Variants in RBM28 observed in about 807,000 individuals in gnomAD.
RBM28 encodes RNA-binding protein 28.
In RBM28, 78 loss-of-function variants were observed where a neutral mutation model predicts 98.3. The ratio of observed to expected loss-of-function variants is 0.79; its 90% CI spans 0.66 to 0.96. The LOEUF (loss-of-function observed/expected upper bound fraction) is 0.96. Ranked by LOEUF, RBM28 falls within the 40% of genes least tolerant of loss-of-function variation. The pLI, the probability that RBM28 is intolerant of heterozygous loss-of-function variation, is 0.00. For missense variants in RBM28, 838 were observed against 913.0 expected (o/e 0.92, Z 1.06); for synonymous variants, 306 against 330.9 (o/e 0.92, Z 0.82).
intron 5 of RBM28, 45 bp from the exon 6 acceptor site, chr7:128,337,247 A>G (rs1451808104): frequency 6.3e-7 from 1 of 1,594,648 alleles, no homozygotes; most frequent in Admixed American, 1.7e-5. Flanking sequence ...CCTTTTAAAA[A>G]CCCTACCTCT....
At chr7:128,313,841 G>A (rs1343177642) in intron 17 of RBM28, among the ~76,000 whole-genome samples, 1 of 152,196 alleles carries the variant, frequency 6.6e-6, no homozygotes, top group African/African-American at 2.4e-5. Context: ...GCCATGTGAT[G>A]TGCCAGCTCC....
In RBM28 at chr7:128,337,160, T is replaced by C; in HGVS notation, c.584A>G (p.Tyr195Cys). ...AGCAGAAACAGACTGTGTATCTTTA[T>C]ATTTATCCTTTGCCACGGCCCAATC... ...AVDWAVAKDK[Y>C]KDTQSVSAIG... Residue 195 changes from tyrosine to cysteine, a missense_variant, in exon 6 of 19, where the codon TAT (tyrosine) becomes TGT (cysteine). Coordinates refer to ENST00000223073, the MANE Select transcript of RBM28 (RefSeq NM_018077.3). 2.5e-6 allele frequency: 4 copies of C among 1,614,186 alleles called. No homozygotes were observed. Among genetic ancestry groups the C allele is most frequent in the Non-Finnish European group, 3.4e-6 (4 of 1,180,006 alleles).
chr7:128,321,222 A>C (rs752153400), intron 14 of RBM28, 44 bp downstream of exon 14: 1 of 1,611,202 alleles, frequency 6.2e-7, no homozygotes, highest in East Asian at 2.2e-5. Flanking sequence ...GATCTGACCC[A>C]AGATCAGAAT....
intron 14 of RBM28, 130 bp from the exon 15 acceptor site, chr7:128,318,236 G>C (rs1562950355): frequency 2.0e-6 from 2 of 985,234 alleles, no homozygotes; most frequent in South Asian, 2.8e-5. Flanking sequence ...TGTAATCCTA[G>C]CACCTTGGGA....
chr7:128,318,599 A>G (rs909322781), intron 14 of RBM28, among the ~76,000 whole-genome samples: 1 of 152,194 alleles, frequency 6.6e-6, no homozygotes, highest in Admixed American at 6.5e-5. Flanking sequence ...TAAGACCATC[A>G]AACAGATTAA....
chr7:128,300,674 T>C lies in RBM28; in HGVS notation c.*10123A>G, dbSNP rs1049801911. 6.6e-6 allele frequency: 1 copy of C among 152,298 alleles called. No individual in the cohort carries two copies. The highest frequency in any genetic ancestry group is 1.5e-5 in the Non-Finnish European group (1 of 68,056). 9.4% of individuals were successfully genotyped at this position (152,298 alleles called of 1,614,324 possible). A position where few individuals can be genotyped will look rare whatever the true frequency, so the allele number is the denominator to read the frequency against. On this transcript the variant is annotated 3_prime_UTR_variant, in exon 19 of 19. Transcript: ENST00000223073. The stretch of plus-strand genomic sequence containing the variant: ...TGCTATGTTTTAGTAAAGAGGGCTG[T>C]TCCCTGAGAGCAAAATTGGCAAGTG...
At position 128,310,725 on chromosome 7, in the gene RBM28, G is replaced by A; in HGVS notation, c.*72C>T. The A allele has an allele frequency of 6.3e-7, 1 of 1,584,412 alleles. No homozygotes were observed. On this transcript the variant is annotated 3_prime_UTR_variant, in exon 19 of 19. Transcript: ENST00000223073. Reference sequence around the variant, plus strand: ...TTCTTTCCCTCAGTGAGAGACACGGGGGATGGGGAGGAGCCCAGGAGTGTC... The same window carrying A: ...TTCTTTCCCTCAGTGAGAGACACGGAGGATGGGGAGGAGCCCAGGAGTGTC...
Position 128,317,954 on chromosome 7 carries a change from T to C in RBM28, c.1713+3A>G. The C allele has an allele frequency of 6.2e-7, 1 of 1,614,158 alleles. No individual in the cohort carries two copies. Among genetic ancestry groups the C allele is most frequent in the East Asian group, 2.2e-5 (1 of 44,882 alleles). ...ACAAGTCTCCCCAGAGGACAAGGCC[T>C]ACCTTCAGAGGCCCAAAGATTTCTG... is the stretch of plus-strand genomic sequence containing the variant. On this transcript the variant is annotated splice_donor_region_variant and intron_variant, in intron 15 of 18. Transcript: ENST00000223073.
Position 128,339,720 on chromosome 7 carries a change from C to T in RBM28, c.190G>A (p.Glu64Lys), listed in dbSNP as rs182728330. 7 of 1,613,936 alleles carry T rather than the reference C, an allele frequency of 4.3e-6. No homozygotes were observed. The highest frequency in any genetic ancestry group is 5.9e-6 in the Non-Finnish European group (7 of 1,179,820). ...MLEDVQRALKEITTFEGCKIN... is the reference protein window; with the variant it reads ...MLEDVQRALKKITTFEGCKIN... ...TTGCAACCTTCAAAGGTGGTAATCT[C>T]CTTGAGGGCCCTCTGAACATCTTCC... is the stretch of plus-strand genomic sequence containing the variant. The change falls in exon 2 of 19, where the codon GAG becomes AAG. Residue 64 changes from glutamate (E) to lysine (K), a missense_variant. By Grantham distance (56) the Glu-to-Lys change is moderately conservative (BLOSUM62 1). Transcript: ENST00000223073.
chr7:128,335,708 G>A (rs1247603359), intron 7 of RBM28, 29 bp from the exon 8 acceptor site: 9 of 1,614,008 alleles, frequency 5.6e-6, no homozygotes, highest in African/African-American at 4.0e-5. Flanking sequence ...GAACTAAGGA[G>A]GTGGGCTGAC....
chr7:128,320,616 C>G (rs1796210961), intron 14 of RBM28, among the ~76,000 whole-genome samples: 1 of 152,130 alleles, frequency 6.6e-6, no homozygotes, highest in African/African-American at 2.4e-5. Flanking sequence ...AAGAATCTAA[C>G]TAGGAGTAAA....
chr7:128,337,253 C>T (rs1796621689), intron 5 of RBM28, 51 bp from the exon 6 acceptor site: 4 of 1,576,042 alleles, frequency 2.5e-6, no homozygotes, highest in Admixed American at 3.3e-5. Flanking sequence ...AAAAACCCTA[C>T]CTCTGTAAAT....
At chr7:128,327,742 C>T (rs901976731) in intron 10 of RBM28, among the ~76,000 whole-genome samples, 15 of 152,096 alleles carry the variant, frequency 9.9e-5, no homozygotes, top group African/African-American at 3.1e-4. Context: ...TCAGGTGATC[C>T]GCCTGCCTTG....
chr7:128,336,615 G>C (rs1403122322), intron 6 of RBM28, among the ~76,000 whole-genome samples: 1 of 152,178 alleles, frequency 6.6e-6, no homozygotes, highest in Non-Finnish European at 1.5e-5. Flanking sequence ...TGGGACCAGA[G>C]CACCAAATGG....
chr7:128,330,066 T>C (rs1796443710), intron 10 of RBM28, among the ~76,000 whole-genome samples: 1 of 151,810 alleles, frequency 6.6e-6, no homozygotes, highest in South Asian at 2.1e-4. Context: ...AAAAAAGAAA[T>C]CTAAGGCAGC....
In RBM28 at chr7:128,310,419, T is replaced by C; in HGVS notation, c.*378A>G. On this transcript the variant is annotated 3_prime_UTR_variant, in exon 19 of 19. Transcript: ENST00000223073. Reference sequence around the variant, plus strand: ...ACGTTGTTACTAAAAAGCCACACAATATCTCATTTAGAGAATATGCTTAAC... The same window carrying C: ...ACGTTGTTACTAAAAAGCCACACAACATCTCATTTAGAGAATATGCTTAAC... The C allele has an allele frequency of 3.4e-6, 1 of 291,584 alleles. No individual in the cohort carries two copies. The highest frequency in any genetic ancestry group is 4.9e-5 in the Admixed American group (1 of 20,368). The allele number at this position is 291,584 out of a possible 1,614,324, so 18.1% of individuals were successfully genotyped here.
At chr7:128,314,148 G>A (rs1796053472) in intron 17 of RBM28, among the ~76,000 whole-genome samples, 1 of 152,008 alleles carries the variant, frequency 6.6e-6, no homozygotes, top group Admixed American at 6.6e-5. Context: ...ATTTTTAGTA[G>A]AGACGGGGTT....
chr7:128,336,873 C>A (rs1796612313), intron 6 of RBM28, among the ~76,000 whole-genome samples: 1 of 152,082 alleles, frequency 6.6e-6, no homozygotes, highest in Non-Finnish European at 1.5e-5. Flanking sequence ...CTCAGCCTCC[C>A]AAGCAGGTGG....
rs1367667629 is a variant in RBM28, at chr7:128,302,608, C to T, written c.*8189G>A. 1 of 152,108 alleles carries T rather than the reference C, an allele frequency of 6.6e-6. No homozygotes were observed. The highest frequency in any genetic ancestry group is 1.5e-5 in the Non-Finnish European group (1 of 68,040). 9.4% of individuals were successfully genotyped at this position (152,108 alleles called of 1,614,324 possible). A position where few individuals can be genotyped will look rare whatever the true frequency, so the allele number is the denominator to read the frequency against. ...AATCACAAAATAAATGTATTCACTC[C>T]TCAGACTCTCTTTTTTCACCTATTA... On this transcript the variant is annotated 3_prime_UTR_variant, in exon 19 of 19. Coordinates refer to ENST00000223073, the MANE Select transcript of RBM28 (RefSeq NM_018077.3).
Sources: gnomAD v4.1 joint callset for allele counts (sites outside exome capture counted in the v4.1 genomes callset) on GRCh38, gnomAD v4.1.1 for gene constraint, MANE v1.5 for transcripts, NCBI Gene and HGNC (gene_info 2026-07-23, HGNC 2026-07-21) for gene names.